Variants in FHOD3 observed in about 807,000 individuals in gnomAD.
The protein encoded by FHOD3 is formin homology 2 domain containing 3, also known as FH1/FH2 domain-containing protein 3.
Under a neutral mutation model 173.0 loss-of-function variants are expected in FHOD3, and 90 were observed. The observed-to-expected ratio is 0.52, with a 90% CI of 0.44 to 0.62. The LOEUF (loss-of-function observed/expected upper bound fraction) is 0.62. FHOD3 is among the 20% of genes least tolerant of loss of function. The pLI is 0.00. For missense variants in FHOD3, 1,945 were observed against 2,034.7 expected (o/e 0.96, Z 0.85); for synonymous variants, 828 against 823.0 (o/e 1.01, Z -0.10).
chr18:36,362,214 G>A (rs376106341), intron 2 of FHOD3, among the ~76,000 whole-genome samples: 1 of 152,156 alleles, frequency 6.6e-6, no homozygotes, highest in Non-Finnish European at 1.5e-5. Flanking sequence ...CCCCCTGGGG[G>A]GACAAGCAGG....
chr18:36,422,019 T>C (rs1050988156), intron 3 of FHOD3, among the ~76,000 whole-genome samples: 4 of 152,242 alleles, frequency 2.6e-5, no homozygotes, highest in Non-Finnish European at 4.4e-5. Flanking sequence ...TATTTAATTT[T>C]TTTGAAAAGG....
chr18:36,512,250 A>G (rs2055698216), intron 4 of FHOD3, among the ~76,000 whole-genome samples, 188 bp from the exon 5 acceptor site: 1 of 152,244 alleles, frequency 6.6e-6, no homozygotes, highest in Non-Finnish European at 1.5e-5. Context: ...GGTGTTTGGC[A>G]AAGGACAATG....
chr18:36,355,889 C>A (rs2046337454), intron 2 of FHOD3, among the ~76,000 whole-genome samples: 2 of 152,300 alleles, frequency 1.3e-5, no homozygotes, highest in South Asian at 2.1e-4. Flanking sequence ...TAATCAAGCA[C>A]ATGGTATTTA....
chr18:36,417,324 G>A (rs2049712913), intron 3 of FHOD3, among the ~76,000 whole-genome samples: 1 of 152,074 alleles, frequency 6.6e-6, no homozygotes, highest in South Asian at 2.1e-4. Flanking sequence ...GTGGTATTTG[G>A]TTTTCTGTTC....
intron 5 of FHOD3, among the ~76,000 whole-genome samples, chr18:36,512,817 C>A (rs1208726699): frequency 6.6e-6 from 1 of 152,158 alleles, no homozygotes; most frequent in East Asian, 1.9e-4. Flanking sequence ...TCTTTATAAT[C>A]TGTCTTATTT....
At chr18:36,610,982 C>T (rs1017178317) in intron 8 of FHOD3, among the ~76,000 whole-genome samples, 1 of 152,172 alleles carries the variant, frequency 6.6e-6, no homozygotes, top group African/African-American at 2.4e-5. Context: ...ATCTCAGGCT[C>T]CTTCCATCTG....
chr18:36,429,841 A>G (rs2050438352), intron 3 of FHOD3, among the ~76,000 whole-genome samples: 1 of 152,088 alleles, frequency 6.6e-6, no homozygotes, highest in South Asian at 2.1e-4. Flanking sequence ...GTTGTTTTGC[A>G]GCAAGAAAAA....
At chr18:36,570,383 A>T (rs2058412333) in intron 5 of FHOD3, among the ~76,000 whole-genome samples, 1 of 152,142 alleles carries the variant, frequency 6.6e-6, no homozygotes, top group Non-Finnish European at 1.5e-5. Flanking sequence ...TACTGTAACT[A>T]TTAAAGAAAT....
At chr18:36,766,682 A>G (rs532101752) in intron 27 of FHOD3, among the ~76,000 whole-genome samples, 2 of 152,326 alleles carry the variant, frequency 1.3e-5, no homozygotes, top group South Asian at 4.2e-4. Flanking sequence ...GTCATCATAA[A>G]ACTGAGTTGA....
At chr18:36,378,071 C>A (rs1478025734) in intron 3 of FHOD3, among the ~76,000 whole-genome samples, 1 of 152,148 alleles carries the variant, frequency 6.6e-6, no homozygotes, top group African/African-American at 2.4e-5. Flanking sequence ...CATCACACTT[C>A]CTATTTTCTG....
chr18:36,426,814 G>A (rs768495504), intron 3 of FHOD3, among the ~76,000 whole-genome samples: 2 of 152,170 alleles, frequency 1.3e-5, no homozygotes, highest in Admixed American at 1.3e-4. Context: ...TCTGTGACTG[G>A]TTCTGTTATT....
intron 5 of FHOD3, chr18:36,544,731 C>T (rs1651230362): frequency 6.6e-6 from 1 of 152,634 alleles, no homozygotes; most frequent in Admixed American, 6.5e-5. Flanking sequence ...CCAGATGCCG[C>T]CCTCCCCTTT....
At chr18:36,321,893 G>T (rs890971460) in intron 1 of FHOD3, among the ~76,000 whole-genome samples, 1 of 152,348 alleles carries the variant, frequency 6.6e-6, no homozygotes, top group African/African-American at 2.4e-5. Context: ...GGGGCTGCAG[G>T]CGATGCCCTG....
chr18:36,649,206 C>A, intron 10 of FHOD3, 110 bp from the exon 11 acceptor site: 48 of 567,320 alleles, frequency 8.5e-5, no homozygotes, highest in East Asian at 1.4e-4. Context: ...ATTATTATTT[C>A]GTTGTTGTTG....
intron 1 of FHOD3, among the ~76,000 whole-genome samples, chr18:36,335,982 G>A (rs917935169): frequency 2.0e-5 from 3 of 152,182 alleles, no homozygotes; most frequent in African/African-American, 4.8e-5. Flanking sequence ...CAGCATGAAC[G>A]TTGTGGCAAC....
At chr18:36,655,018 C>T (rs2036314345) in intron 13 of FHOD3, among the ~76,000 whole-genome samples, 1 of 151,444 alleles carries the variant, frequency 6.6e-6, no homozygotes, top group Non-Finnish European at 1.5e-5. Context: ...TGTATACCTC[C>T]AGGAGTTGTG....
At chr18:36,342,177 T>C (rs2045657198) in intron 1 of FHOD3, among the ~76,000 whole-genome samples, 1 of 152,070 alleles carries the variant, frequency 6.6e-6, no homozygotes, top group South Asian at 2.1e-4. Flanking sequence ...TTAAGACCAA[T>C]TTGTGAAGAG....
At chr18:36,578,353 A>T (rs1350430855) in intron 6 of FHOD3, among the ~76,000 whole-genome samples, 1 of 152,158 alleles carries the variant, frequency 6.6e-6, no homozygotes, top group Non-Finnish European at 1.5e-5. Context: ...CAGATCTCAG[A>T]AGACTTATTC....
chr18:36,487,617 T>C (rs1194139040), intron 3 of FHOD3, among the ~76,000 whole-genome samples: 1 of 152,206 alleles, frequency 6.6e-6, no homozygotes, highest in African/African-American at 2.4e-5. Context: ...TAACCCCAGG[T>C]TCTCTTTCTC....
Sources: gnomAD v4.1 joint callset for allele counts (sites outside exome capture counted in the v4.1 genomes callset) on GRCh38, gnomAD v4.1.1 for gene constraint, MANE v1.5 for transcripts, NCBI Gene and HGNC (gene_info 2026-07-23, HGNC 2026-07-21) for gene names.